CCNH: variants seen among roughly 807,000 people sequenced by gnomAD.
CCNH encodes cyclin H.
CCNH carries 31 observed loss-of-function variants against 41.9 expected under a neutral mutation model. That is an observed-to-expected ratio of 0.74 (90% confidence interval 0.56 to 1.00). The LOEUF (loss-of-function observed/expected upper bound fraction) is 1.00. Among genes scored for constraint, CCNH ranks in the 50% least tolerant of loss-of-function variants. CCNH has a pLI of 0.00. For synonymous variants in CCNH, 138 were observed against 136.1 expected (o/e 1.01, Z -0.10); for missense variants, 362 against 388.4 (o/e 0.93, Z 0.57).
At chr5:87,349,407 T>A in intron 9 of CCNH, 1 of 1,599,144 alleles carries the variant, frequency 6.3e-7, no homozygotes, top group Non-Finnish European at 8.6e-7. Context: ...TTCGCAAAAA[T>A]AGTTGAAATC....
intron 7 of CCNH, 27 bp from the exon 8 acceptor site, chr5:87,395,131 A>C: frequency 6.3e-7 from 1 of 1,592,564 alleles, no homozygotes; most frequent in East Asian, 2.2e-5. Context: ...ATCAATAAGC[A>C]ATCCAATACC....
rs761589211 is a variant in CCNH at position 87,395,118 on chromosome 5, A to C, written c.873-14T>G. The C allele has an allele frequency of 6.2e-7, 1 of 1,606,092 alleles. No homozygotes were observed. Among genetic ancestry groups the C allele is most frequent in the East Asian group, 2.2e-5 (1 of 44,732 alleles). On this transcript the variant is annotated splice_polypyrimidine_tract_variant and intron_variant, in intron 7 of 8. Coordinates refer to ENST00000256897, the MANE Select transcript of CCNH (RefSeq NM_001239.4). ...TTCCTCTTCTTCCTATAATTAAGCA[A>C]CTATCAATAAGCAATCCAATACCAG...
At chr5:87,408,813 T>C (rs1763997030) in intron 3 of CCNH, among the ~76,000 whole-genome samples, 1 of 152,182 alleles carries the variant, frequency 6.6e-6, no homozygotes, top group Admixed American at 6.5e-5. Context: ...TACAATGTCA[T>C]TGAGAGCAAA....
At chr5:87,411,995 G>A (rs1764285581) in intron 1 of CCNH, among the ~76,000 whole-genome samples, 2 of 152,184 alleles carry the variant, frequency 1.3e-5, no homozygotes, top group South Asian at 4.1e-4. Flanking sequence ...GCGGGCCATA[G>A]TCCAAACCAT....
intron 2 of CCNH, 71 bp from the exon 3 acceptor site, chr5:87,409,434 A>T: frequency 2.3e-6 from 2 of 856,722 alleles, no homozygotes; most frequent in Non-Finnish European, 3.8e-6. Flanking sequence ...GTGAAACAGA[A>T]CTTATTTATG....
chr5:87,316,846 TA>T (rs1450024565), downstream of CCNH, among the ~76,000 whole-genome samples: 2 of 152,160 alleles, frequency 1.3e-5, no homozygotes, highest in South Asian at 2.1e-4. Context: ...AATCTGAGTT[TA>T]TGGGAAAAGT....
intron 9 of CCNH, chr5:87,362,500 T>C (rs2112456020): frequency 3.3e-6 from 5 of 1,538,100 alleles, no homozygotes; most frequent in Non-Finnish European, 4.5e-6. Context: ...GATTTTTACT[T>C]CATTTCCATC....
chr5:87,405,640 G>C (rs1435616164), intron 4 of CCNH, among the ~76,000 whole-genome samples: 3 of 151,962 alleles, frequency 2.0e-5, no homozygotes, highest in Non-Finnish European at 4.4e-5. Flanking sequence ...GACAAATTCA[G>C]ACCCACTACT....
chr5:87,409,284 A>G lies in CCNH; in HGVS notation c.314+6T>C. The stretch of plus-strand genomic sequence containing the variant: ...TGAAAACAATATATTAGACAGACAT[A>G]CTCACATTATTATCCTGGGGTGATA... On this transcript the variant is annotated splice_donor_region_variant and intron_variant, in intron 3 of 8. Transcript: ENST00000256897. 6.9e-7 allele frequency: 1 copy of G among 1,457,328 alleles called. No individual in the cohort carries two copies. Among genetic ancestry groups the G allele is most frequent in the Non-Finnish European group, 9.6e-7 (1 of 1,043,164 alleles). 90.3% of individuals were successfully genotyped at this position (1,457,328 alleles called of 1,614,324 possible). A position where few individuals can be genotyped will look rare whatever the true frequency, so the allele number is the denominator to read the frequency against.
chr5:87,389,883 T>C (rs779569874), downstream of CCNH, among the ~76,000 whole-genome samples: 23 of 152,166 alleles, frequency 1.5e-4, no homozygotes, highest in Non-Finnish European at 2.8e-4. Context: ...CATACAGATA[T>C]AGTGCATGGC....
At chr5:87,409,058 T>C in intron 3 of CCNH, 1 of 311,068 alleles carries the variant, frequency 3.2e-6, no homozygotes, top group Non-Finnish European at 5.9e-6. Flanking sequence ...AAAACAAAAT[T>C]TGAATCTGGA....
exon 1 of CCNH, chr5:87,376,789 AG>A: frequency 7.4e-7 from 1 of 1,353,732 alleles, no homozygotes; most frequent in South Asian, 1.3e-5. Context: ...TTTAAATATA[AG>A]AACTTGTGAA....
At chr5:87,341,637 A>G (rs1758469942) in intron 9 of CCNH, among the ~76,000 whole-genome samples, 1 of 152,100 alleles carries the variant, frequency 6.6e-6, no homozygotes, top group Admixed American at 6.6e-5. Flanking sequence ...TTTCTTGGTT[A>G]TTCATAGTAT....
intron 9 of CCNH, among the ~76,000 whole-genome samples, chr5:87,351,369 CAG>C: frequency 6.6e-6 from 1 of 151,688 alleles, no homozygotes; most frequent in East Asian, 1.9e-4. Context: ...GTGATAAATT[CAG>C]GGGATATATA....
chr5:87,352,814 C>G (rs1459006371), intron 9 of CCNH, among the ~76,000 whole-genome samples: 1 of 151,450 alleles, frequency 6.6e-6, no homozygotes, highest in Non-Finnish European at 1.5e-5. Flanking sequence ...TTCTTAGTAT[C>G]TCATATATAC....
downstream of CCNH, among the ~76,000 whole-genome samples, chr5:87,375,410 G>A (rs181783206): frequency 6.5e-3 from 983 of 151,982 alleles, 6 homozygotes; most frequent in Admixed American, 0.013. Flanking sequence ...ACAGGCGCCC[G>A]CCACCATACC....
chr5:87,344,260 T>C (rs1464697477), intron 9 of CCNH, among the ~76,000 whole-genome samples: 1 of 152,164 alleles, frequency 6.6e-6, no homozygotes, highest in Non-Finnish European at 1.5e-5. Flanking sequence ...GACTTGATCA[T>C]TAAACATTAT....
chr5:87,399,640 C>A, intron 6 of CCNH, 135 bp from the exon 7 acceptor site: 1 of 651,374 alleles, frequency 1.5e-6, no homozygotes, highest in South Asian at 1.8e-5. Flanking sequence ...GGATTTGCAT[C>A]ATTCTGCATT....
At chr5:87,391,951 TTAATTTA>T, downstream of CCNH, 1 of 231,098 alleles carries the variant, frequency 4.3e-6, no homozygotes, top group Non-Finnish European at 8.6e-6. Flanking sequence ...AGCTAAGCAT[TTAATTTA>T]TTTATTTTCT....
Sources: gnomAD v4.1 joint callset for allele counts (sites outside exome capture counted in the v4.1 genomes callset) on GRCh38, gnomAD v4.1.1 for gene constraint, MANE v1.5 for transcripts, NCBI Gene and HGNC (gene_info 2026-07-23, HGNC 2026-07-21) for gene names.